COL7A1: variants seen among roughly 807,000 people sequenced by gnomAD.
The protein encoded by COL7A1 is collagen alpha-1(VII) chain.
In COL7A1, 296 loss-of-function variants were observed where a neutral mutation model predicts 456.2. That is an observed-to-expected ratio of 0.65 (90% CI 0.59 to 0.71). COL7A1 has a LOEUF of 0.71. Ranked by LOEUF, COL7A1 falls within the 30% of genes least tolerant of loss-of-function variation. COL7A1 has a pLI of 0.00. For missense variants in COL7A1, 3,441 were observed against 4,017.2 expected (o/e 0.86, Z 3.88); for synonymous variants, 1,464 against 1,525.9 (o/e 0.96, Z 0.95).
rs529904779 is a variant in COL7A1 at position 48,564,462 on chromosome 3, C to A, written c.8819-40G>T. 3 of 1,612,932 alleles carry A rather than the reference C, an allele frequency of 1.9e-6. No homozygotes were observed. The East Asian group carries it at 6.7e-5, about 36-fold the overall frequency. ...TTGGAAACGGTCGTCAGCCATCTGACCTTCCCCGGAGACGCTCAGGCAGAG... is the reference window on the plus strand; with the variant it reads ...TTGGAAACGGTCGTCAGCCATCTGAACTTCCCCGGAGACGCTCAGGCAGAG... On this transcript the variant is annotated intron_variant, in intron 118 of 118. Transcript: ENST00000681320. This position sits in a 1 kb window ranked among gnomAD's most constrained non-coding sequence, Gnocchi z 6.0.
rs202102923 is a variant in COL7A1 at position 48,578,427 on chromosome 3, G to C, written c.5487+26C>G. 4.3e-5 allele frequency: 70 copies of C among 1,613,478 alleles called. No homozygotes were observed. Among genetic ancestry groups the C allele is most frequent in the South Asian group, 2.9e-4 (26 of 91,064 alleles). ...GGGTGAGGGTAGTAAGGGGGAAAAG[G>C]GGGTAACATGAAAGTCTGGTCTCAC... is the stretch of plus-strand genomic sequence containing the variant. On this transcript the variant is annotated intron_variant, in intron 64 of 118. Coordinates refer to ENST00000681320, the MANE Select transcript of COL7A1 (RefSeq NM_000094.4). The surrounding 1 kb of genome is among the most constrained non-coding windows in gnomAD (Gnocchi z 4.7).
In COL7A1 at chr3:48,573,364, A is replaced by G. The variant is rs201533008; in HGVS notation, c.6619-16T>C. 14 of 1,614,004 alleles carry G rather than the reference A, an allele frequency of 8.7e-6. No individual in the cohort carries two copies. The East Asian group carries it at 2.5e-4, about 28-fold the overall frequency. On this transcript the variant is annotated splice_polypyrimidine_tract_variant and intron_variant, in intron 83 of 118. Transcript: ENST00000681320. This position sits in a 1 kb window ranked among gnomAD's most constrained non-coding sequence, Gnocchi z 5.5. ...CAGGCTCCCCCTGCAAACAACCCAG[A>G]GACTGCATGAGCAGAGCCCACGTGG...
At position 48,583,912 on chromosome 3, in the gene COL7A1, C is replaced by T; in HGVS notation, c.4266G>A (p.Glu1422=). The T allele has an allele frequency of 1.2e-6, 2 of 1,613,948 alleles. No homozygotes were observed. The highest frequency in any genetic ancestry group is 1.1e-5 in the South Asian group (1 of 91,084). The change falls in exon 39 of 119, where the codon GAG becomes GAA. Residue 1422 remains glutamate (E), a synonymous_variant. Transcript: ENST00000681320. The surrounding 1 kb of genome is among the most constrained non-coding windows in gnomAD (Gnocchi z 5.1). The part of the protein sequence containing the change: ...GPGEGGIAPG[E]PGLPGLPGSP... Reference sequence around the variant, plus strand: ...CAAGGCCCCTCACCGGCAGCCCAGGCTCCCCAGGAGCAATGCCACCTTCAC... The same window carrying T: ...CAAGGCCCCTCACCGGCAGCCCAGGTTCCCCAGGAGCAATGCCACCTTCAC...
rs766931721 is a variant in COL7A1 at position 48,587,424 on chromosome 3, G to A, written c.2988C>T (p.Gly996=). Residue 996 remains glycine (G), a synonymous_variant, in exon 23 of 119, where the codon GGC becomes GGT. Transcript: ENST00000681320. The surrounding 1 kb of genome is among the most constrained non-coding windows in gnomAD (Gnocchi z 6.1). ...ILSWRPLRGP[G]QEVPGSPQTL... ...AAATCCTGGCCTCCCCCTCACCCTG[G>A]CCAGGGCCTCTGAGTGGCCGCCAGG... The A allele has an allele frequency of 6.2e-7, 1 of 1,613,232 alleles. No homozygotes were observed. The highest frequency in any genetic ancestry group is 1.1e-5 in the South Asian group (1 of 91,088).
chr3:48,572,509 T>G lies in COL7A1; in HGVS notation c.6930A>C (p.Gly2310=), dbSNP rs750758403. 5 of 1,612,784 alleles carry G rather than the reference T, an allele frequency of 3.1e-6. No homozygotes were observed. Among genetic ancestry groups the G allele is most frequent in the Non-Finnish European group, 4.2e-6 (5 of 1,179,656 alleles). ...QAVVGLPGAK[G]EKGAPGGLAG... is the part of the protein sequence containing the mutation. ...CAGCCCCACACACACTCACCTTCTCTCCCTTTGCTCCAGGGAGCCCGACCA... is the reference window on the plus strand; with the variant it reads ...CAGCCCCACACACACTCACCTTCTCGCCCTTTGCTCCAGGGAGCCCGACCA... Residue 2310 remains glycine, a synonymous_variant, in exon 89 of 119, where the codon GGA becomes GGC. Transcript: ENST00000681320. This position sits in a 1 kb window ranked among gnomAD's most constrained non-coding sequence, Gnocchi z 4.6.
At position 48,566,304 on chromosome 3, in the gene COL7A1, G is replaced by T. The variant is rs1345879135; in HGVS notation, c.8370C>A (p.Ile2790=). The T allele has an allele frequency of 6.2e-7, 1 of 1,604,624 alleles. No homozygotes were observed. Among genetic ancestry groups the T allele is most frequent in the South Asian group, 1.1e-5 (1 of 89,302 alleles). The change falls in exon 114 of 119, where the codon ATC becomes ATA. Residue 2790 remains isoleucine, a synonymous_variant. Coordinates refer to ENST00000681320, the MANE Select transcript of COL7A1 (RefSeq NM_000094.4). This position sits in a 1 kb window ranked among gnomAD's most constrained non-coding sequence, Gnocchi z 5.9. ...TCATCTCTTGGCGCACAAAGCCCCG[G>T]ATGTCATCCTCCTGGGAGCAGAAGA... ...KGEAALTEDD[I]RGFVRQEMSQ... is the part of the protein sequence containing the mutation.
chr3:48,584,006 A>C, intron 38 of COL7A1, 29 bp downstream of exon 38: 1 of 1,613,786 alleles, frequency 6.2e-7, no homozygotes, highest in Non-Finnish European at 8.5e-7. Context: ...ACTCCAAGCC[A>C]CCCCTAGCAC....
In COL7A1 at chr3:48,569,865, T is replaced by TC. The variant is rs1381031436; in HGVS notation, c.7521+14dup. 1 of 1,614,106 alleles carries TC rather than the reference T, an allele frequency of 6.2e-7. No individual in the cohort carries two copies. The highest frequency in any genetic ancestry group is 1.3e-5 in the African/African-American group (1 of 75,034). ...CACCCCCCCACTCATGCCAGGACCT[T>TC]CCCCACGTTCCTACCTTCTCCCCAC... is the stretch of plus-strand genomic sequence containing the variant. On this transcript the variant is annotated intron_variant, in intron 100 of 118. Transcript: ENST00000681320. This position sits in a 1 kb window ranked among gnomAD's most constrained non-coding sequence, Gnocchi z 4.9.
chr3:48,575,622 T>G lies in COL7A1; in HGVS notation c.5979+4A>C, dbSNP rs749607047. 5 of 1,613,212 alleles carry G rather than the reference T, an allele frequency of 3.1e-6. No homozygotes were observed. Among genetic ancestry groups the G allele is most frequent in the Non-Finnish European group, 8.5e-7 (1 of 1,180,020 alleles). On this transcript the variant is annotated splice_donor_region_variant and intron_variant, in intron 73 of 118. Coordinates refer to ENST00000681320, the MANE Select transcript of COL7A1 (RefSeq NM_000094.4). This position sits in a 1 kb window ranked among gnomAD's most constrained non-coding sequence, Gnocchi z 6.3. ...GCACAACCCACTGAGCCACTTCTGCTCACCTCCTTGCCTGGGGGGCCCTGT... is the reference window on the plus strand; with the variant it reads ...GCACAACCCACTGAGCCACTTCTGCGCACCTCCTTGCCTGGGGGGCCCTGT...
At position 48,590,549 on chromosome 3, in the gene COL7A1, C is replaced by T. The variant is rs2045620176; in HGVS notation, c.1816G>A (p.Val606Ile). The change falls in exon 15 of 119, where the codon GTT (valine) becomes ATT (isoleucine). Residue 606 changes from valine to isoleucine, a missense_variant. Coordinates refer to ENST00000681320, the MANE Select transcript of COL7A1 (RefSeq NM_000094.4). The surrounding 1 kb of genome is among the most constrained non-coding windows in gnomAD (Gnocchi z 4.6). ...ETPLAVPGLRVVVSDATRVRV... is the reference protein window; with the variant it reads ...ETPLAVPGLRIVVSDATRVRV... ...ACTCGCGTTGCATCTGACACCACAA[C>T]CCGCAGCCCTGGAACAGCAAGTGGA... is the stretch of plus-strand genomic sequence containing the variant. The T allele has an allele frequency of 6.2e-7, 1 of 1,614,178 alleles. No homozygotes were observed. The highest frequency in any genetic ancestry group is 1.3e-5 in the African/African-American group (1 of 75,046).
In COL7A1 at chr3:48,568,226, A is replaced by C; in HGVS notation, c.7795-56T>G. 1 of 1,584,030 alleles carries C rather than the reference A, an allele frequency of 6.3e-7. No individual in the cohort carries two copies. Among genetic ancestry groups the C allele is most frequent in the East Asian group, 2.2e-5 (1 of 44,740 alleles). Reference sequence around the variant, plus strand: ...AGGAGGTCAGTGAGGGACCAAAGAGAATCGCCCTGGATAGTGGGTAGGGAA... The same window carrying C: ...AGGAGGTCAGTGAGGGACCAAAGAGCATCGCCCTGGATAGTGGGTAGGGAA... On this transcript the variant is annotated intron_variant, in intron 105 of 118. Coordinates refer to ENST00000681320, the MANE Select transcript of COL7A1 (RefSeq NM_000094.4). This position sits in a 1 kb window ranked among gnomAD's most constrained non-coding sequence, Gnocchi z 5.2.
At position 48,564,637 on chromosome 3, in the gene COL7A1, C is replaced by A; in HGVS notation, c.8818+146G>T. The A allele has an allele frequency of 9.2e-7, 1 of 1,083,728 alleles. No individual in the cohort carries two copies. Among genetic ancestry groups the A allele is most frequent in the South Asian group, 1.5e-5 (1 of 65,412 alleles). 67.1% of individuals were successfully genotyped at this position (1,083,728 alleles called of 1,614,324 possible). On this transcript the variant is annotated intron_variant, in intron 118 of 118. Coordinates refer to ENST00000681320, the MANE Select transcript of COL7A1 (RefSeq NM_000094.4). The surrounding 1 kb of genome is among the most constrained non-coding windows in gnomAD (Gnocchi z 6.0). ...GGGGCTCTATATTCAGCTCTTTGGT[C>A]TGGGCGTCTGCCCCAGGTCCCCTAC...
In COL7A1 at chr3:48,576,677, T is replaced by A; in HGVS notation, c.5699A>T (p.Gln1900Leu). 6.2e-7 allele frequency: 1 copy of A among 1,604,770 alleles called. No individual in the cohort carries two copies. The highest frequency in any genetic ancestry group is 8.5e-7 in the Non-Finnish European group (1 of 1,176,140). ...GLPGPVGPPG[Q>L]GFPGVPGGTG... ...CCCAGAATGACCCAGGACACTCACC[T>A]GGCCAGGAGGGCCCACTGGCCCTGG... The change falls in exon 68 of 119, where the codon CAG (glutamine) becomes CTG (leucine). Residue 1900 changes from glutamine to leucine, a missense_variant and splice_region_variant. Physicochemically the swap from Gln to Leu is moderately radical, Grantham distance 113. Around this residue, in one of 3 missense-constraint regions of COL7A1, gnomAD observed 2,084 missense variants for 2,501.3 expected, o/e 0.83. Coordinates refer to ENST00000681320, the MANE Select transcript of COL7A1 (RefSeq NM_000094.4).
rs376192100 is a variant in COL7A1 at position 48,586,696 on chromosome 3, T to A, written c.3277-7A>T. The A allele has an allele frequency of 3.2e-6, 5 of 1,574,240 alleles. 1 individual carries two copies. The South Asian group carries it at 5.7e-5, about 18-fold the overall frequency. On this transcript the variant is annotated splice_region_variant and splice_polypyrimidine_tract_variant and intron_variant, in intron 25 of 118. Coordinates refer to ENST00000681320, the MANE Select transcript of COL7A1 (RefSeq NM_000094.4). This position sits in a 1 kb window ranked among gnomAD's most constrained non-coding sequence, Gnocchi z 5.1. ...TGTAAGACAGCAGGCCAACCTGGGG[T>A]GGAAGGAAACACAGAGCCTGAGGAG...
Position 48,579,738 on chromosome 3 carries a change from G to A in COL7A1, c.5154+47C>T. 1.9e-6 allele frequency: 3 copies of A among 1,613,988 alleles called. No homozygotes were observed. The highest frequency in any genetic ancestry group is 2.5e-6 in the Non-Finnish European group (3 of 1,180,020). On this transcript the variant is annotated intron_variant, in intron 58 of 118. Transcript: ENST00000681320. This position sits in a 1 kb window ranked among gnomAD's most constrained non-coding sequence, Gnocchi z 4.4. ...CCATGCCCAAGGTAGAACCTGCTGG[G>A]AGGGGCACTGGGGTCTTTCTTACCC...
rs760945786 is a variant in COL7A1 at position 48,587,104 on chromosome 3, G to T, written c.3144C>A (p.Cys1048Ter). ...ACACCACATCCGCCAGGCCACGGGG[G>T]CACACTGTAGGAAGGGGAACAAGTT... ...PEASVTQTPV[C>*]PRGLADVVFL... The change falls in exon 25 of 119, where the codon TGC becomes TGA. Residue 1048 changes from cysteine (C) to a stop codon, truncating the protein, a stop_gained. Coordinates refer to ENST00000681320, the MANE Select transcript of COL7A1 (RefSeq NM_000094.4). LOFTEE classifies it high-confidence loss of function. This position sits in a 1 kb window ranked among gnomAD's most constrained non-coding sequence, Gnocchi z 6.1. 1.9e-6 allele frequency: 3 copies of T among 1,612,874 alleles called. No homozygotes were observed. The highest frequency in any genetic ancestry group is 2.5e-6 in the Non-Finnish European group (3 of 1,179,602).
rs749812437 is a variant in COL7A1, at chr3:48,590,179, G to A, written c.2050+34C>T. Reference sequence around the variant, plus strand: ...CATGGGGGTCTGAAAGAGCAATGGAGGCAGAGAGCCAAGGGACGGGGGCAG... The same window carrying A: ...CATGGGGGTCTGAAAGAGCAATGGAAGCAGAGAGCCAAGGGACGGGGGCAG... On this transcript the variant is annotated intron_variant, in intron 16 of 118. Transcript: ENST00000681320. This position sits in a 1 kb window ranked among gnomAD's most constrained non-coding sequence, Gnocchi z 4.6. The A allele has an allele frequency of 5.0e-6, 8 of 1,606,596 alleles. No individual in the cohort carries two copies. In the African/African-American group the frequency reaches 1.1e-4, roughly 21 times the overall value.
Position 48,588,211 on chromosome 3 carries a change from G to A in COL7A1, c.2710+71C>T, listed in dbSNP as rs555330224. ...GACCCCGCCCACCATCACTGTCCTC[G>A]CCTACCTTGCGGAGTCTGCCACAGC... On this transcript the variant is annotated intron_variant, in intron 21 of 118. Transcript: ENST00000681320. The surrounding 1 kb of genome is among the most constrained non-coding windows in gnomAD (Gnocchi z 4.6). 7.0e-5 allele frequency: 113 copies of A among 1,608,722 alleles called. No homozygotes were observed. Among genetic ancestry groups the A allele is most frequent in the Admixed American group, 4.8e-4 (29 of 59,914 alleles).
rs779282774 is a variant in COL7A1, at chr3:48,579,548, C to T, written c.5236-33G>A. 2.9e-5 allele frequency: 47 copies of T among 1,613,748 alleles called. No homozygotes were observed. The highest frequency in any genetic ancestry group is 3.9e-5 in the Non-Finnish European group (46 of 1,180,014). ...TAGGGGAGGAAGAAATCAGAGCAGG[C>T]CCTCCCATGCCTGCACCCCCGAGGA... On this transcript the variant is annotated intron_variant, in intron 59 of 118. Coordinates refer to ENST00000681320, the MANE Select transcript of COL7A1 (RefSeq NM_000094.4). The surrounding 1 kb of genome is among the most constrained non-coding windows in gnomAD (Gnocchi z 4.4).
Sources: gnomAD v4.1 joint callset for allele counts on GRCh38, gnomAD v4.1.1 for gene constraint, gnomAD v4.1.1 regional missense constraint, Gnocchi (gnomAD v3.1) non-coding constraint, MANE v1.5 for transcripts, NCBI Gene and HGNC (gene_info 2026-07-23, HGNC 2026-07-21) for gene names.